Variants in PCDH15 observed in about 807,000 individuals in gnomAD.
PCDH15 encodes protocadherin related 15, also known as protocadherin-15.
In PCDH15, 129 loss-of-function variants were observed where a neutral mutation model predicts 178.5. That is an observed-to-expected ratio of 0.72 (90% CI 0.63 to 0.84). The LOEUF is 0.84. Among genes scored for constraint, PCDH15 ranks in the 40% least tolerant of loss-of-function variants. PCDH15 has a pLI of 0.00. For missense variants in PCDH15, 2,230 were observed against 2,099.9 expected, an observed-to-expected ratio of 1.06 and a Z score of -1.21; for synonymous variants, 800 against 732.0, an observed-to-expected ratio of 1.09 and a Z score of -1.50.
At chr10:54,422,969 T>A (rs933487396) in intron 3 of PCDH15, among the ~76,000 whole-genome samples, 1 of 152,140 alleles carries the variant, frequency 6.6e-6, no homozygotes, top group Non-Finnish European at 1.5e-5. Flanking sequence ...TAAATCTCAT[T>A]TGCCTAATAT....
intron 2 of PCDH15, among the ~76,000 whole-genome samples, chr10:55,155,884 G>T (rs1838873561): frequency 6.6e-6 from 1 of 152,156 alleles, no homozygotes; most frequent in East Asian, 1.9e-4. Context: ...AGCTATTAGC[G>T]ATTTCTGACA....
chr10:54,953,123 G>A (rs1838388621), intron 2 of PCDH15, among the ~76,000 whole-genome samples: 1 of 151,474 alleles, frequency 6.6e-6, no homozygotes, highest in Non-Finnish European at 1.5e-5. Context: ...AAGCATGTTA[G>A]CGCTAGTTGT....
At chr10:54,307,063 T>C (rs1225918941) in intron 8 of PCDH15, among the ~76,000 whole-genome samples, 1 of 9,312 alleles carries the variant, frequency 1.1e-4, no homozygotes, top group Non-Finnish European at 2.0e-4. Context: ...TATATATATA[T>C]ATATATATAT....
At chr10:53,866,076 T>C (rs1269402593) in intron 27 of PCDH15, among the ~76,000 whole-genome samples, 1 of 152,138 alleles carries the variant, frequency 6.6e-6, no homozygotes, top group Non-Finnish European at 1.5e-5. Context: ...ATTAGAACAG[T>C]GATATTATTG....
chr10:55,569,463 G>T (rs750858630), intron 2 of PCDH15, among the ~76,000 whole-genome samples: 1 of 151,826 alleles, frequency 6.6e-6, no homozygotes, highest in Non-Finnish European at 1.5e-5. Context: ...TTATTCAGGT[G>T]TGGAAAGGTT....
At chr10:54,068,795 C>T (rs550908316) in intron 17 of PCDH15, among the ~76,000 whole-genome samples, 1 of 152,164 alleles carries the variant, frequency 6.6e-6, no homozygotes, top group South Asian at 2.1e-4. Flanking sequence ...GGTGTGTTCT[C>T]TATGTAAAAA....
At chr10:55,069,339 C>T (rs1393720321) in intron 2 of PCDH15, among the ~76,000 whole-genome samples, 8 of 146,510 alleles carry the variant, frequency 5.5e-5, no homozygotes, top group Non-Finnish European at 1.0e-4. Context: ...AGGTTACTTA[C>T]ATATGTATAC....
intron 2 of PCDH15, among the ~76,000 whole-genome samples, chr10:54,542,227 T>C (rs1389906180): frequency 1.3e-5 from 2 of 152,218 alleles, no homozygotes; most frequent in African/African-American, 4.8e-5. Flanking sequence ...AATATTTACC[T>C]TTCTGTTTCA....
At chr10:54,271,190 C>T (rs1379893753) in intron 8 of PCDH15, among the ~76,000 whole-genome samples, 2 of 151,930 alleles carry the variant, frequency 1.3e-5, no homozygotes, top group Middle Eastern at 3.4e-3. Context: ...ATTTCTTTCA[C>T]ATAATTATGT....
intron 2 of PCDH15, among the ~76,000 whole-genome samples, chr10:54,597,357 T>TA (rs2092292311): frequency 6.6e-6 from 1 of 152,032 alleles, no homozygotes; most frequent in South Asian, 2.1e-4. Flanking sequence ...TTTGGGTAAA[T>TA]AATGAAATTA....
At chr10:54,317,145 A>C in intron 8 of PCDH15, 126 bp downstream of exon 8, 1 of 971,292 alleles carries the variant, frequency 1.0e-6, no homozygotes, top group Non-Finnish European at 1.6e-6. Flanking sequence ...TTCGGACATA[A>C]ATATTTTTCA....
chr10:53,968,093 C>T (rs974592380), intron 21 of PCDH15, among the ~76,000 whole-genome samples: 3 of 152,262 alleles, frequency 2.0e-5, no homozygotes, highest in African/African-American at 2.4e-5. Flanking sequence ...GTGGAATTTC[C>T]TTTCCTAGAC....
intron 2 of PCDH15, among the ~76,000 whole-genome samples, chr10:55,033,468 T>A (rs985816224): frequency 3.9e-5 from 6 of 152,154 alleles, no homozygotes; most frequent in African/African-American, 1.4e-4. Context: ...CCTCACTGTG[T>A]TTTGGACTCA....
chr10:55,464,009 GA>G (rs1158986656), intron 2 of PCDH15, among the ~76,000 whole-genome samples: 4 of 84,336 alleles, frequency 4.7e-5, no homozygotes, highest in African/African-American at 9.3e-5. Flanking sequence ...AAGAAAGAAA[GA>G]AAGAAAGAAA....
rs142020383 is a variant in PCDH15, at chr10:54,112,618, T to G, written c.1917+20257A>C. On this transcript the variant is annotated intron_variant, in intron 15 of 37. Coordinates refer to ENST00000644397, the MANE Select transcript of PCDH15 (RefSeq NM_001384140.1). ...ACACATTCACTGATTTCTACAGTCC[T>G]CCCCTGCTCTGAGGATTTGGTTTTC... Among the ~76,000 whole-genome samples, 39 of 152,290 alleles carry G rather than the reference T, an allele frequency of 2.6e-4. No homozygotes were observed. The East Asian group carries it at 7.1e-3, about 28-fold the overall frequency.
chr10:55,402,300 G>A (rs1387740398), intron 2 of PCDH15, among the ~76,000 whole-genome samples: 2 of 152,126 alleles, frequency 1.3e-5, no homozygotes, highest in South Asian at 2.1e-4. Context: ...TGCATACAAT[G>A]TGTAATGATC....
chr10:54,415,829 C>T (rs749322750), intron 3 of PCDH15, among the ~76,000 whole-genome samples: 6 of 151,768 alleles, frequency 4.0e-5, no homozygotes, highest in Non-Finnish European at 8.8e-5. Context: ...TGTATGATCT[C>T]GATTGGGTAA....
intron 8 of PCDH15, among the ~76,000 whole-genome samples, chr10:54,264,646 A>G (rs919056938): frequency 2.6e-5 from 4 of 152,190 alleles, no homozygotes; most frequent in Non-Finnish European, 5.9e-5. Flanking sequence ...AGACTAGGCC[A>G]AGTAGAAGGA....
At chr10:53,809,224 T>C in intron 37 of PCDH15, 3 of 1,613,934 alleles carry the variant, frequency 1.9e-6, no homozygotes, top group Non-Finnish European at 2.5e-6. Context: ...TTCTTCACTG[T>C]ATTCAGTATA....
Sources: gnomAD v4.1 joint callset for allele counts (sites outside exome capture counted in the v4.1 genomes callset) on GRCh38, gnomAD v4.1.1 for gene constraint, MANE v1.5 for transcripts, NCBI Gene and HGNC (gene_info 2026-07-23, HGNC 2026-07-21) for gene names.